CSMD1: variants seen among roughly 807,000 people sequenced by gnomAD.
CSMD1 encodes the protein CUB and sushi domain-containing protein 1.
CSMD1 carries 213 observed loss-of-function variants against 417.5 expected under a neutral mutation model. The observed-to-expected ratio is 0.51, with a 90% CI of 0.46 to 0.57. The LOEUF (loss-of-function observed/expected upper bound fraction) is 0.57. CSMD1 is among the 20% of genes least tolerant of loss of function. CSMD1 has a pLI of 0.00. For synonymous variants in CSMD1, 2,862 were observed against 1,736.8 expected (o/e 1.65, Z -16.11); for missense variants, 6,923 against 4,529.7 (o/e 1.53, Z -15.17).
intron 1 of CSMD1, among the ~76,000 whole-genome samples, chr8:4,887,052 C>G (rs1032687530): frequency 2.0e-5 from 3 of 151,888 alleles, no homozygotes; most frequent in African/African-American, 7.3e-5. Context: ...TTCCAATGTG[C>G]TAGGTGGAAG....
rs541111798 is a variant in CSMD1 at position 3,509,941 on chromosome 8, C to A, written c.1345-16215G>T. Among the ~76,000 whole-genome samples the A allele has an allele frequency of 2.6e-5, 4 of 152,230 alleles. No homozygotes were observed. The South Asian group carries it at 8.3e-4, about 32-fold the overall frequency. ...ACGCTTAAGTTGCTGGCATTTCAGC[C>A]TCTCCCATGTGCAGTTTCTTACTTG... On this transcript the variant is annotated intron_variant, in intron 10 of 69. Coordinates refer to ENST00000635120, the MANE Select transcript of CSMD1 (RefSeq NM_033225.6).
chr8:3,159,895 C>T (rs551027345), intron 38 of CSMD1, among the ~76,000 whole-genome samples: 6 of 152,046 alleles, frequency 3.9e-5, no homozygotes, highest in Non-Finnish European at 8.8e-5. Flanking sequence ...TATAAAAGAA[C>T]GGCAACAGAA....
intron 3 of CSMD1, among the ~76,000 whole-genome samples, chr8:4,369,148 T>C (rs147725173): frequency 6.6e-6 from 1 of 152,278 alleles, no homozygotes; most frequent in Non-Finnish European, 1.5e-5. Flanking sequence ...ATTTTGTGTC[T>C]CCATTTTCAC....
chr8:4,978,347 A>G (rs575892638), intron 1 of CSMD1, among the ~76,000 whole-genome samples: 21 of 152,272 alleles, frequency 1.4e-4, no homozygotes, highest in African/African-American at 4.3e-4. Flanking sequence ...ATCTAAAGCC[A>G]GAAGGAAAAA....
intron 1 of CSMD1, among the ~76,000 whole-genome samples, chr8:4,889,759 T>C (rs1417229957): frequency 2.0e-5 from 3 of 152,226 alleles, no homozygotes; most frequent in Non-Finnish European, 4.4e-5. Context: ...CATTATATTT[T>C]ATGTATTCTT....
chr8:4,361,885 G>A (rs1165061602), intron 3 of CSMD1, among the ~76,000 whole-genome samples: 1 of 152,060 alleles, frequency 6.6e-6, no homozygotes, highest in Non-Finnish European at 1.5e-5. Flanking sequence ...AACCCGGGAG[G>A]CGGAGCTTGC....
chr8:4,192,277 A>G (rs972404739), intron 3 of CSMD1, among the ~76,000 whole-genome samples: 7 of 152,236 alleles, frequency 4.6e-5, no homozygotes, highest in African/African-American at 1.7e-4. Flanking sequence ...TGTCTAGATA[A>G]TAATTTTAAT....
rs1001603522 is a variant in CSMD1 at position 4,145,473 on chromosome 8, C to T, written c.416-113374G>A. ...TATATTTTTTGTATTGAAATATATA[C>T]GGTAAACTAGACGGCATGTGAGCCC... On this transcript the variant is annotated intron_variant, in intron 3 of 69. Transcript: ENST00000635120. Among the ~76,000 whole-genome samples the T allele has an allele frequency of 9.3e-5, 14 of 151,154 alleles. No individual in the cohort carries two copies. In the South Asian group the frequency reaches 1.2e-3, roughly 13 times the overall value.
chr8:4,732,253 A>G (rs767768091), intron 1 of CSMD1, among the ~76,000 whole-genome samples: 2 of 152,070 alleles, frequency 1.3e-5, no homozygotes, highest in African/African-American at 2.4e-5. Flanking sequence ...CAAACTGCAT[A>G]TGGTGTAATT....
At chr8:4,193,780 G>C (rs1259164812) in intron 3 of CSMD1, among the ~76,000 whole-genome samples, 1 of 152,108 alleles carries the variant, frequency 6.6e-6, no homozygotes, top group Non-Finnish European at 1.5e-5. Flanking sequence ...GAATCGGACA[G>C]GGATGACATC....
chr8:3,867,104 T>A (rs952294002), intron 5 of CSMD1, among the ~76,000 whole-genome samples: 4 of 152,210 alleles, frequency 2.6e-5, no homozygotes, highest in African/African-American at 9.6e-5. Context: ...CCATTTTGAT[T>A]GATTGATTTT....
chr8:4,208,306 T>A (rs1800101816), intron 3 of CSMD1, among the ~76,000 whole-genome samples: 1 of 152,120 alleles, frequency 6.6e-6, no homozygotes, highest in Non-Finnish European at 1.5e-5. Context: ...AAAAAAAGAC[T>A]GGAGAAGAAA....
At chr8:3,852,596 A>G (rs1471747247) in intron 5 of CSMD1, among the ~76,000 whole-genome samples, 1 of 152,124 alleles carries the variant, frequency 6.6e-6, no homozygotes, top group Non-Finnish European at 1.5e-5. Context: ...CGTGTCAGCT[A>G]TCTCAGCATT....
chr8:3,168,320 T>C (rs897015471), intron 37 of CSMD1, among the ~76,000 whole-genome samples: 1 of 152,216 alleles, frequency 6.6e-6, no homozygotes, highest in African/African-American at 2.4e-5. Flanking sequence ...ATTGACTACA[T>C]AATTATTCTC....
intron 10 of CSMD1, among the ~76,000 whole-genome samples, chr8:3,512,963 T>C (rs549329891): frequency 2.0e-5 from 3 of 151,988 alleles, no homozygotes; most frequent in Non-Finnish European, 2.9e-5. Flanking sequence ...ATAGCAAAAA[T>C]ATAGAAAGAA....
chr8:4,456,974 T>C (rs1366396990), intron 2 of CSMD1, among the ~76,000 whole-genome samples: 1 of 71,404 alleles, frequency 1.4e-5, no homozygotes, highest in African/African-American at 3.9e-5. Context: ...TTGATGAGTG[T>C]GGTTTTTTTT....
At chr8:3,671,552 TATATGATC>T (rs1336024346) in intron 7 of CSMD1, among the ~76,000 whole-genome samples, 468 of 14,548 alleles carry the variant, frequency 0.032, 72 homozygotes, top group Admixed American at 0.088. Flanking sequence ...TATGATCATA[TATATGATC>T]ATATATATAT....
chr8:3,066,108 C>A (rs548125974), intron 49 of CSMD1, among the ~76,000 whole-genome samples: 1 of 152,256 alleles, frequency 6.6e-6, no homozygotes, highest in East Asian at 1.9e-4. Flanking sequence ...AAGGACAATT[C>A]AAAGGAGTGC....
At chr8:4,219,111 A>T (rs543776582) in intron 3 of CSMD1, among the ~76,000 whole-genome samples, 2 of 152,272 alleles carry the variant, frequency 1.3e-5, no homozygotes, top group South Asian at 4.1e-4. Context: ...AGGGTAAATG[A>T]TCAGACCCAG....
Sources: allele counts gnomAD v4.1 joint callset (sites outside exome capture counted in the v4.1 genomes callset), GRCh38; gene constraint gnomAD v4.1.1; transcripts MANE v1.5; gene names NCBI Gene and HGNC (gene_info 2026-07-23, HGNC 2026-07-21).